Variants in ADGRG5 observed in about 807,000 individuals in gnomAD.
The protein encoded by ADGRG5 is G protein-coupled receptor 114.
A neutral mutation model predicts 53.2 loss-of-function variants in ADGRG5; 37 were observed. The ratio of observed to expected loss-of-function variants is 0.70; its 90% confidence interval spans 0.53 to 0.91. The LOEUF (loss-of-function observed/expected upper bound fraction) is 0.91. Among genes scored for constraint, ADGRG5 ranks in the 40% least tolerant of loss-of-function variants. The pLI, the probability that ADGRG5 is intolerant of heterozygous loss-of-function variation, is 0.00. For synonymous variants in ADGRG5, 277 were observed against 290.4 expected, an observed-to-expected ratio of 0.95 and a Z score of 0.47; for missense variants, 614 against 675.8, an observed-to-expected ratio of 0.91 and a Z score of 1.01.
intron 1 of ADGRG5, among the ~76,000 whole-genome samples, chr16:57,551,899 G>A (rs1027843416): frequency 6.6e-6 from 1 of 152,188 alleles, no homozygotes; most frequent in African/African-American, 2.4e-5. Context: ...ATGACTCCTT[G>A]ATCCATGGGC....
upstream of ADGRG5, among the ~76,000 whole-genome samples, chr16:57,541,343 C>T (rs1228228925): frequency 3.9e-5 from 6 of 152,170 alleles, no homozygotes; most frequent in South Asian, 1.0e-3. Flanking sequence ...TGGGTGACCT[C>T]GGAAAGGAAG....
intron 1 of ADGRG5, among the ~76,000 whole-genome samples, chr16:57,549,423 G>T (rs1429480435): frequency 3.3e-5 from 5 of 152,258 alleles, no homozygotes; most frequent in African/African-American, 1.2e-4. Context: ...TGAGTTTTGT[G>T]GCTCTCCCTC....
At chr16:57,537,521 C>T in the ADGRG5 span, among the ~76,000 whole-genome samples, 1 of 152,186 alleles carries the variant, frequency 6.6e-6, no homozygotes, top group Non-Finnish European at 1.5e-5. Flanking sequence ...GGAAGTCTTG[C>T]TTTTTCTTGT....
Position 57,570,449 on chromosome 16 carries a change from C to T in ADGRG5, c.1122C>T (p.Leu374=). 6.2e-7 allele frequency: 1 copy of T among 1,613,290 alleles called. No homozygotes were observed. The highest frequency in any genetic ancestry group is 1.1e-5 in the South Asian group (1 of 91,078). The change falls in exon 10 of 12, where the codon CTC becomes CTT. Residue 374 remains leucine (L), a synonymous_variant. Transcript: ENST00000349457. ...GAPALLVLLS[L]SVKSSVYGPC... Reference sequence around the variant, plus strand: ...CAGCCCTCCTGGTGCTGCTTTCCCTCTCTGTCAAGAGCTCGGTATACGGAC... The same window carrying T: ...CAGCCCTCCTGGTGCTGCTTTCCCTTTCTGTCAAGAGCTCGGTATACGGAC...
chr16:57,559,908 GC>G (rs1446102847), intron 1 of ADGRG5, among the ~76,000 whole-genome samples: 1 of 152,012 alleles, frequency 6.6e-6, no homozygotes. Flanking sequence ...ATGACTATAT[GC>G]ATTACATTCC....
rs2033045346 is a variant in ADGRG5 at position 57,563,145 on chromosome 16, C to T, written c.195C>T (p.Asn65=). ...TGAACACCAGCTTCCCAGGCTACAA[C>T]CTGACCTTGCAGACACCCACCATCC... ...MLLNTSFPGY[N]LTLQTPTIQS... is the part of the protein sequence containing the mutation. The change falls in exon 4 of 12, where the codon AAC becomes AAT. Residue 65 remains asparagine (N), a synonymous_variant. Transcript: ENST00000349457. 3 of 1,614,066 alleles carry T rather than the reference C, an allele frequency of 1.9e-6. No homozygotes were observed. The highest frequency in any genetic ancestry group is 2.5e-6 in the Non-Finnish European group (3 of 1,180,012).
At chr16:57,531,070 TCTC>T in the ADGRG5 span, among the ~76,000 whole-genome samples, 2 of 151,476 alleles carry the variant, frequency 1.3e-5, no homozygotes, top group Admixed American at 6.6e-5. Flanking sequence ...TGGGCCCCCT[TCTC>T]CTCTCACGAT....
At chr16:57,529,136 C>T in the ADGRG5 span, 5 of 1,185,522 alleles carry the variant, frequency 4.2e-6, no homozygotes, top group Non-Finnish European at 3.1e-6. This position sits in a 1 kb window ranked among gnomAD's most constrained non-coding sequence, Gnocchi z 4.1. Context: ...CCTTGGACAG[C>T]TGCGGGGACT....
the ADGRG5 span, chr16:57,529,189 G>T: frequency 8.5e-7 from 1 of 1,177,832 alleles, no homozygotes; most frequent in Admixed American, 4.6e-5. This position sits in a 1 kb window ranked among gnomAD's most constrained non-coding sequence, Gnocchi z 4.1. Context: ...GTGCGGCCGG[G>T]CGGGCCCTGA....
the ADGRG5 span, among the ~76,000 whole-genome samples, chr16:57,532,041 A>G: frequency 6.6e-6 from 1 of 152,168 alleles, no homozygotes; most frequent in Non-Finnish European, 1.5e-5. Flanking sequence ...GTCTAGGCCC[A>G]GCTCTGACAC....
At position 57,574,868 on chromosome 16, in the gene ADGRG5, G is replaced by A; in HGVS notation, c.1262G>A (p.Gly421Asp). Reference protein sequence around the residue: ...VHSVLVMGYGGLTSLFNLVVL... With the variant: ...VHSVLVMGYGDLTSLFNLVVL... Reference sequence around the variant, plus strand: ...AGTGTCCTGGTCATGGGCTACGGCGGCCTCACGTCCCTCTTCAACCTGGTG... The same window carrying A: ...AGTGTCCTGGTCATGGGCTACGGCGACCTCACGTCCCTCTTCAACCTGGTG... Residue 421 changes from glycine to aspartate, a missense_variant, in exon 11 of 12, where the codon GGC becomes GAC. By Grantham distance (94) the Gly-to-Asp change is moderately conservative. Transcript: ENST00000349457. This position sits in a 1 kb window ranked among gnomAD's most constrained non-coding sequence, Gnocchi z 4.4. 1 of 1,610,894 alleles carries A rather than the reference G, an allele frequency of 6.2e-7. No homozygotes were observed. Among genetic ancestry groups the A allele is most frequent in the Non-Finnish European group, 8.5e-7 (1 of 1,178,970 alleles).
At chr16:57,569,330 T>TCAC (rs2033262206) in intron 9 of ADGRG5, among the ~76,000 whole-genome samples, 1 of 107,142 alleles carries the variant, frequency 9.3e-6, no homozygotes, top group South Asian at 3.6e-4. Context: ...ATCATCTCCA[T>TCAC]CACCACCACC....
the ADGRG5 span, among the ~76,000 whole-genome samples, chr16:57,530,591 A>G: frequency 1.3e-5 from 2 of 151,822 alleles, no homozygotes; most frequent in African/African-American, 4.8e-5. Flanking sequence ...CAGATGATCT[A>G]TCGTCATGAT....
chr16:57,555,540 A>G (rs1483065653), intron 1 of ADGRG5, among the ~76,000 whole-genome samples: 3 of 152,208 alleles, frequency 2.0e-5, no homozygotes, highest in African/African-American at 7.2e-5. Context: ...GCAATTACTC[A>G]GAGACAAATA....
At chr16:57,563,000 G>A (rs1370808670) in intron 3 of ADGRG5, 91 bp from the exon 4 acceptor site, 7 of 1,308,704 alleles carry the variant, frequency 5.3e-6, no homozygotes, top group Admixed American at 3.5e-5. Flanking sequence ...TGTGGGTGGG[G>A]AGGCCCTGCC....
intron 1 of ADGRG5, among the ~76,000 whole-genome samples, chr16:57,550,281 C>G (rs988914563): frequency 2.0e-5 from 3 of 152,118 alleles, no homozygotes; most frequent in African/African-American, 7.2e-5. Context: ...CCCGGCCCAT[C>G]TATATACATC....
chr16:57,569,588 C>T lies in ADGRG5; in HGVS notation c.1091-830C>T, dbSNP rs2033280132. ...TCCTCTACCTCCATCATCACCATCG[C>T]CTCCTCCATCTCCTCCACCTCTATC... On this transcript the variant is annotated intron_variant, in intron 9 of 11. Coordinates refer to ENST00000349457, the MANE Select transcript of ADGRG5 (RefSeq NM_001304376.3). Among the ~76,000 whole-genome samples the T allele has an allele frequency of 3.3e-5, 5 of 149,988 alleles. No homozygotes were observed. In the South Asian group the frequency reaches 1.1e-3, roughly 32 times the overall value.
chr16:57,547,062 G>A (rs113875465), intron 1 of ADGRG5, among the ~76,000 whole-genome samples: 2,914 of 152,216 alleles, frequency 0.019, 83 homozygotes, highest in South Asian at 0.081. Flanking sequence ...TCAAGAATGG[G>A]ATTAGGTTGT....
chr16:57,556,789 C>T (rs1467756800), intron 1 of ADGRG5, among the ~76,000 whole-genome samples: 1 of 152,116 alleles, frequency 6.6e-6, no homozygotes, highest in Non-Finnish European at 1.5e-5. Context: ...AAATTTCCAA[C>T]TGGCATAATT....
Sources: allele counts gnomAD v4.1 joint callset (sites outside exome capture counted in the v4.1 genomes callset), GRCh38; gene constraint gnomAD v4.1.1; non-coding constraint Gnocchi (gnomAD v3.1); transcripts MANE v1.5; gene names NCBI Gene and HGNC (gene_info 2026-07-23, HGNC 2026-07-21).